RBFOX1: variants seen among roughly 807,000 people sequenced by gnomAD.
RBFOX1 encodes RNA binding fox-1 homolog 1, also known as RNA binding protein fox-1 homolog 1.
In RBFOX1, 8 loss-of-function variants were observed where a neutral mutation model predicts 57.7. The ratio of observed to expected loss-of-function variants is 0.14; its 90% CI spans 0.08 to 0.25. The LOEUF is 0.25. RBFOX1 is among the 10% of genes least tolerant of loss of function. The pLI, the probability that RBFOX1 is intolerant of heterozygous loss-of-function variation, is 1.00. For synonymous variants in RBFOX1, 326 were observed against 222.4 expected (o/e 1.47, Z -4.15); for missense variants, 611 against 548.5 (o/e 1.11, Z -1.14).
intron 2 of RBFOX1, among the ~76,000 whole-genome samples, chr16:6,321,520 T>A (rs1305148949): frequency 6.6e-6 from 1 of 152,210 alleles, no homozygotes; most frequent in Non-Finnish European, 1.5e-5. Flanking sequence ...AATGGTCCCC[T>A]GGGACTCTGC....
intron 3 of RBFOX1, among the ~76,000 whole-genome samples, chr16:6,723,301 C>G (rs140732311): frequency 1.9e-4 from 29 of 152,228 alleles, no homozygotes; most frequent in African/African-American, 6.7e-4. Flanking sequence ...ATATAGGCAC[C>G]TACTGTATCA....
At chr16:7,391,481 C>G (rs1281696054) in intron 4 of RBFOX1, among the ~76,000 whole-genome samples, 3 of 152,220 alleles carry the variant, frequency 2.0e-5, no homozygotes, top group Non-Finnish European at 4.4e-5. Flanking sequence ...CCCTTTCTTG[C>G]ATAGCTAACA....
At chr16:7,536,184 C>G (rs909611079) in intron 5 of RBFOX1, among the ~76,000 whole-genome samples, 1 of 152,192 alleles carries the variant, frequency 6.6e-6, no homozygotes, top group South Asian at 2.1e-4. Context: ...ACTGTAATTA[C>G]ATTTGCAAAA....
At chr16:5,579,458 T>C (rs1434501159) in intron 2 of RBFOX1, among the ~76,000 whole-genome samples, 1 of 152,128 alleles carries the variant, frequency 6.6e-6, no homozygotes, top group East Asian at 1.9e-4. Flanking sequence ...TGTGCACTCG[T>C]AGAATCCAGC....
intron 2 of RBFOX1, among the ~76,000 whole-genome samples, chr16:6,588,541 A>C (rs1011880308): frequency 6.6e-6 from 1 of 151,846 alleles, no homozygotes; most frequent in African/African-American, 2.4e-5. Flanking sequence ...TAACTCAGCT[A>C]CTCTGGAGGC....
chr16:6,813,343 A>G (rs1287853887), intron 3 of RBFOX1, among the ~76,000 whole-genome samples: 1 of 152,180 alleles, frequency 6.6e-6, no homozygotes, highest in Non-Finnish European at 1.5e-5. Flanking sequence ...ACATTCATGT[A>G]ACTGCCTTCA....
At chr16:6,863,383 G>T (rs982950465) in intron 3 of RBFOX1, among the ~76,000 whole-genome samples, 1 of 152,036 alleles carries the variant, frequency 6.6e-6, no homozygotes, top group Non-Finnish European at 1.5e-5. Flanking sequence ...AGAATGTATG[G>T]CTAAAGATTC....
chr16:5,263,070 G>C (rs2062773565), intron 1 of RBFOX1, among the ~76,000 whole-genome samples: 1 of 151,972 alleles, frequency 6.6e-6, no homozygotes, highest in Admixed American at 6.6e-5. Flanking sequence ...ATGGCAGGGT[G>C]ACGGTGGTGG....
At chr16:6,346,194 A>G (rs1013492813) in intron 2 of RBFOX1, among the ~76,000 whole-genome samples, 1 of 152,214 alleles carries the variant, frequency 6.6e-6, no homozygotes, top group Non-Finnish European at 1.5e-5. Context: ...ACACATATGC[A>G]AGTGAATACT....
chr16:6,672,271 T>TATACATCCAATATAAAC, intron 3 of RBFOX1, among the ~76,000 whole-genome samples: 1 of 152,050 alleles, frequency 6.6e-6, no homozygotes, highest in Admixed American at 6.5e-5. Context: ...ATTGGAGAAA[T>TATACATCCAATATAAAC]ATACATCCAA....
At chr16:7,426,246 T>G (rs558116001) in intron 4 of RBFOX1, among the ~76,000 whole-genome samples, 9 of 152,200 alleles carry the variant, frequency 5.9e-5, no homozygotes, top group Non-Finnish European at 1.2e-4. Flanking sequence ...TGAGTCTTTT[T>G]TCTGCTTGAC....
intron 3 of RBFOX1, among the ~76,000 whole-genome samples, chr16:5,712,380 G>T (rs2051522974): frequency 6.6e-6 from 1 of 152,164 alleles, no homozygotes; most frequent in Admixed American, 6.5e-5. Context: ...TAAGGCTTAG[G>T]GAATTTCAGC....
At chr16:7,201,123 C>G (rs1387856450) in intron 4 of RBFOX1, among the ~76,000 whole-genome samples, 2 of 152,104 alleles carry the variant, frequency 1.3e-5, no homozygotes, top group South Asian at 2.1e-4. Context: ...GGCAACAAAG[C>G]TGGAAGATAT....
At chr16:5,262,545 G>A (rs577593278) in intron 1 of RBFOX1, among the ~76,000 whole-genome samples, 1 of 152,254 alleles carries the variant, frequency 6.6e-6, no homozygotes, top group East Asian at 1.9e-4. Context: ...CCAGCTTGCT[G>A]GCTGCAGACT....
intron 1 of RBFOX1, among the ~76,000 whole-genome samples, chr16:6,235,018 A>G (rs1047256707): frequency 6.6e-5 from 10 of 152,184 alleles, no homozygotes; most frequent in Non-Finnish European, 1.5e-4. Context: ...TTCAAAATAA[A>G]GGTAAAAAGA....
At chr16:6,805,996 G>T (rs1412582768) in intron 3 of RBFOX1, among the ~76,000 whole-genome samples, 1 of 152,146 alleles carries the variant, frequency 6.6e-6, no homozygotes, top group Non-Finnish European at 1.5e-5. Context: ...AGGTGAGAAG[G>T]GGAAAAACTG....
chr16:6,725,056 T>C (rs1301353780), intron 3 of RBFOX1, among the ~76,000 whole-genome samples: 24 of 47,712 alleles, frequency 5.0e-4, no homozygotes, highest in Admixed American at 1.3e-3. Flanking sequence ...TTTTTTTTTT[T>C]TCTTTTTTTT....
At chr16:7,417,390 A>AAAAAGG (rs2098490557) in intron 4 of RBFOX1, among the ~76,000 whole-genome samples, 1 of 150,584 alleles carries the variant, frequency 6.6e-6, no homozygotes, top group Non-Finnish European at 1.5e-5. Context: ...AAAAAAAAAA[A>AAAAAGG]GAGATGACCC....
chr16:6,694,438 T>C (rs1414370890), intron 3 of RBFOX1, among the ~76,000 whole-genome samples: 1 of 152,222 alleles, frequency 6.6e-6, no homozygotes, highest in East Asian at 1.9e-4. Context: ...CATGTGAACA[T>C]TTCATTTTGG....
Sources: allele counts gnomAD v4.1 joint callset (sites outside exome capture counted in the v4.1 genomes callset), GRCh38; gene constraint gnomAD v4.1.1; transcripts MANE v1.5; gene names NCBI Gene and HGNC (gene_info 2026-07-23, HGNC 2026-07-21).